PTPRH: variants seen among roughly 807,000 people sequenced by gnomAD.
PTPRH encodes the protein protein tyrosine phosphatase receptor type H, also known as receptor-type tyrosine-protein phosphatase H.
PTPRH carries 113 observed loss-of-function variants against 130.2 expected under a neutral mutation model. The ratio of observed to expected loss-of-function variants is 0.87; its 90% confidence interval spans 0.75 to 1.01. The LOEUF (loss-of-function observed/expected upper bound fraction) is 1.01. PTPRH is among the 50% of genes least tolerant of loss of function. PTPRH has a pLI of 0.00. For missense variants in PTPRH, 1,430 were observed against 1,425.0 expected, an observed-to-expected ratio of 1.00 and a Z score of -0.06; for synonymous variants, 556 against 577.9, an observed-to-expected ratio of 0.96 and a Z score of 0.54.
intron 10 of PTPRH, among the ~76,000 whole-genome samples, chr19:55,194,911 G>C (rs2086639979): frequency 6.6e-6 from 1 of 152,216 alleles, no homozygotes; most frequent in Admixed American, 6.5e-5. Context: ...GGGTAGGCCA[G>C]GTGCGGTGGC....
chr19:55,194,278 A>G (rs570173256), intron 10 of PTPRH: 9 of 1,289,594 alleles, frequency 7.0e-6, no homozygotes, highest in Middle Eastern at 2.1e-4. Flanking sequence ...AAGGCCCCCA[A>G]GCTGCAGCTT....
chr19:55,207,060 A>C, intron 2 of PTPRH, 105 bp from the exon 3 acceptor site: 1 of 1,566,196 alleles, frequency 6.4e-7, no homozygotes, highest in Non-Finnish European at 8.7e-7. Context: ...GCGCTCATAA[A>C]CCCCTACCAT....
intron 6 of PTPRH, among the ~76,000 whole-genome samples, chr19:55,201,023 G>C (rs1568919434): frequency 1.3e-5 from 2 of 152,092 alleles, no homozygotes; most frequent in Non-Finnish European, 2.9e-5. Context: ...GCCCTTGCAA[G>C]ATTAGGTCAT....
chr19:55,187,479 G>T (rs2086394062), intron 14 of PTPRH, 34 bp downstream of exon 14: 8 of 1,571,242 alleles, frequency 5.1e-6, no homozygotes, highest in Middle Eastern at 1.7e-4. Context: ...CTAGATCAGG[G>T]CTGGGACAAA....
chr19:55,201,227 ATTAGTC>A (rs1375254102), intron 6 of PTPRH, among the ~76,000 whole-genome samples: 1 of 152,022 alleles, frequency 6.6e-6, no homozygotes, highest in African/African-American at 2.4e-5. Flanking sequence ...AAAAAAATAA[ATTAGTC>A]AGGCATGGTG....
intron 10 of PTPRH, chr19:55,191,956 C>T (rs751351646): frequency 1.5e-6 from 1 of 664,596 alleles, no homozygotes; most frequent in South Asian, 1.5e-5. Context: ...AGCCCCTCTC[C>T]TACCTCCTCC....
In PTPRH at chr19:55,197,256, A is replaced by G. The variant is rs1339407366; in HGVS notation, c.1851T>C (p.Asn617=). 1 of 1,614,206 alleles carries G rather than the reference A, an allele frequency of 6.2e-7. No individual in the cohort carries two copies. The highest frequency in any genetic ancestry group is 8.5e-7 in the Non-Finnish European group (1 of 1,180,046). The part of the protein sequence containing the change: ...HPRRGQDPQA[N]WVNQTSRTNE... ...TGGTCCTGCTGGTCTGGTTGACCCA[A>G]TTCGCTTGGGGATCTTGCCCCCTCC... Residue 617 remains asparagine, a synonymous_variant, in exon 9 of 20, where the codon AAT becomes AAC. Transcript: ENST00000376350.
intron 18 of PTPRH, among the ~76,000 whole-genome samples, chr19:55,184,336 G>A (rs185527995): frequency 2.6e-5 from 4 of 152,076 alleles, no homozygotes; most frequent in African/African-American, 4.8e-5. Context: ...AAAATGGGGA[G>A]GACACCCTTT....
chr19:55,181,616 A>T lies in PTPRH; in HGVS notation c.*138T>A. ...GACCACTCTCTCCTGGGGAAACCAG[A>T]GTTTGGGATACCAGCCCCCTCCTCC... On this transcript the variant is annotated 3_prime_UTR_variant, in exon 20 of 20. Transcript: ENST00000376350. The T allele has an allele frequency of 1.6e-6, 2 of 1,212,144 alleles. No homozygotes were observed. Among genetic ancestry groups the T allele is most frequent in the Non-Finnish European group, 2.3e-6 (2 of 856,998 alleles). The allele number at this position is 1,212,144 out of a possible 1,614,324, so 75.1% of individuals were successfully genotyped here. A position where few individuals can be genotyped will look rare whatever the true frequency, so the allele number is the denominator to read the frequency against.
chr19:55,182,149 G>C lies in PTPRH; in HGVS notation c.3065C>G (p.Ala1022Gly). The change falls in exon 19 of 20, where the codon GCT (alanine) becomes GGT (glycine). Residue 1022 changes from alanine to glycine, a missense_variant and splice_region_variant. Ala to Gly is a moderately conservative substitution (Grantham distance 60, BLOSUM62 0). Transcript: ENST00000376350. ...GAGGGTTCCTGTGCGACCCACGCCA[G>C]CACTAGGCAGAACAAGGGAAGGGTC... is the stretch of plus-strand genomic sequence containing the variant. ...EGGPPIVHCS[A>G]GVGRTGTLIA... is the part of the protein sequence containing the mutation. The C allele has an allele frequency of 1.2e-6, 2 of 1,613,592 alleles. No individual in the cohort carries two copies. The highest frequency in any genetic ancestry group is 1.7e-6 in the Non-Finnish European group (2 of 1,179,996).
At chr19:55,206,523 C>T (rs2087061932) in intron 3 of PTPRH, among the ~76,000 whole-genome samples, 166 bp downstream of exon 3, 1 of 151,846 alleles carries the variant, frequency 6.6e-6, no homozygotes, top group Non-Finnish European at 1.5e-5. Context: ...TGACCAGTTT[C>T]TTTTTACTTA....
chr19:55,202,999 C>G (rs1473896197), intron 5 of PTPRH, among the ~76,000 whole-genome samples: 3 of 148,026 alleles, frequency 2.0e-5, no homozygotes. Flanking sequence ...GATCATGCCA[C>G]TACATTTCAG....
rs1049086032 is a variant in PTPRH, at chr19:55,188,180, G to A, written c.2385-12C>T. ...TGTCCCCTGGGGAGCTACGGGTTTT[G>A]GGGGAGCAGGGAGAAAAGACCGTAA... On this transcript the variant is annotated splice_polypyrimidine_tract_variant and intron_variant, in intron 12 of 19. Coordinates refer to ENST00000376350, the MANE Select transcript of PTPRH (RefSeq NM_002842.5). The A allele has an allele frequency of 3.7e-6, 6 of 1,606,186 alleles. No individual in the cohort carries two copies. The highest frequency in any genetic ancestry group is 5.1e-6 in the Non-Finnish European group (6 of 1,172,862).
In PTPRH at chr19:55,205,608, G is replaced by A; in HGVS notation, c.353-16C>T. ...GGGTTGGGAGCTGAAAACCAGCACA[G>A]GAGGGAAAATCAGTTGTAGTTTCTG... On this transcript the variant is annotated splice_polypyrimidine_tract_variant and intron_variant, in intron 3 of 19. Transcript: ENST00000376350. 1 of 1,613,188 alleles carries A rather than the reference G, an allele frequency of 6.2e-7. No homozygotes were observed. The highest frequency in any genetic ancestry group is 8.5e-7 in the Non-Finnish European group (1 of 1,179,418).
Position 55,206,681 on chromosome 19 carries a change from C to T in PTPRH, c.352+8G>A, listed in dbSNP as rs200090410. 4 of 1,586,518 alleles carry T rather than the reference C, an allele frequency of 2.5e-6. No homozygotes were observed. Among genetic ancestry groups the T allele is most frequent in the Non-Finnish European group, 3.4e-6 (4 of 1,160,766 alleles). On this transcript the variant is annotated splice_region_variant and intron_variant, in intron 3 of 19. Transcript: ENST00000376350. ...AGAAATAAAAATAAAGCAGTGGCTG[C>T]CTCTTACCTGTGGCAGTAGTGACAG... is the stretch of plus-strand genomic sequence containing the variant.
chr19:55,192,933 G>A (rs539635625), intron 10 of PTPRH, among the ~76,000 whole-genome samples: 34 of 151,866 alleles, frequency 2.2e-4, no homozygotes, highest in Non-Finnish European at 4.4e-4. Flanking sequence ...CCTGGTTGCT[G>A]AAGAGTGACT....
chr19:55,194,294 C>A (rs536082772), intron 10 of PTPRH: 2 of 1,288,986 alleles, frequency 1.6e-6, no homozygotes, highest in South Asian at 2.5e-5. Flanking sequence ...AGCTTCTCAG[C>A]AATCCTGGGA....
intron 10 of PTPRH, among the ~76,000 whole-genome samples, chr19:55,196,216 C>T (rs1239706667): frequency 6.6e-6 from 1 of 151,948 alleles, no homozygotes; most frequent in South Asian, 2.1e-4. Context: ...GGTGAAACTC[C>T]ATCTCTACTA....
In PTPRH at chr19:55,194,099, C is replaced by T; in HGVS notation, c.2258-2358G>A. The stretch of plus-strand genomic sequence containing the variant: ...TCCCAACCACAGGTGATCCTCCCGC[C>T]TCGGCCTCCCAAAGTGCTGGGATTA... On this transcript the variant is annotated intron_variant, in intron 10 of 19. Coordinates refer to ENST00000376350, the MANE Select transcript of PTPRH (RefSeq NM_002842.5). 3.3e-6 allele frequency: 4 copies of T among 1,220,030 alleles called. No homozygotes were observed. The South Asian group carries it at 3.8e-5, about 12-fold the overall frequency. 75.6% of individuals were successfully genotyped at this position (1,220,030 alleles called of 1,614,324 possible).
Sources: gnomAD v4.1 joint callset for allele counts (sites outside exome capture counted in the v4.1 genomes callset) on GRCh38, gnomAD v4.1.1 for gene constraint, MANE v1.5 for transcripts, NCBI Gene and HGNC (gene_info 2026-07-23, HGNC 2026-07-21) for gene names.